The following AGPAT1 variants were observed in gnomAD, a reference collection of about 807,000 sequenced individuals.
AGPAT1 encodes the protein 1-acylglycerol-3-phosphate O-acyltransferase 1, also known as 1-acyl-sn-glycerol-3-phosphate acyltransferase alpha.
AGPAT1 carries 6 observed loss-of-function variants against 31.2 expected under a neutral mutation model. The ratio of observed to expected loss-of-function variants is 0.19; its 90% CI spans 0.11 to 0.38. The LOEUF (loss-of-function observed/expected upper bound fraction) is 0.38, where lower values mean the gene tolerates loss of function less well. Ranked by LOEUF, AGPAT1 falls within the 10% of genes least tolerant of loss-of-function variation. The pLI is 1.00. For synonymous variants in AGPAT1, 139 were observed against 154.0 expected (o/e 0.90, Z 0.72); for missense variants, 187 against 377.8 (o/e 0.49, Z 4.19).
Position 32,170,070 on chromosome 6 carries a change from G to A in AGPAT1, c.607-32C>T. 1.9e-6 allele frequency: 3 copies of A among 1,610,882 alleles called. No individual in the cohort carries two copies. The South Asian group carries it at 3.3e-5, about 18-fold the overall frequency. On this transcript the variant is annotated intron_variant, in intron 5 of 6. Coordinates refer to ENST00000375107, the MANE Select transcript of AGPAT1 (RefSeq NM_006411.4). This position sits in a 1 kb window ranked among gnomAD's most constrained non-coding sequence, Gnocchi z 7.7. ...AAGGGTTAAAGCAGGTCAGTCCACA[G>A]CTCTCTTCAGAGACTCCTACAATAA...
rs1230913507 is a variant in AGPAT1, at chr6:32,168,569, G to A, written c.*707C>T. The A allele has an allele frequency of 1.9e-5, 3 of 154,716 alleles. No homozygotes were observed. The highest frequency in any genetic ancestry group is 4.3e-5 in the Non-Finnish European group (3 of 69,792). 9.6% of individuals were successfully genotyped at this position (154,716 alleles called of 1,614,324 possible). A position where few individuals can be genotyped will look rare whatever the true frequency, so the allele number is the denominator to read the frequency against. Reference sequence around the variant, plus strand: ...GGTGCAGCAGGGCTGCAGGGGGCTGGGTGGGGTCATGTCCACTGAAGAACT... The same window carrying A: ...GGTGCAGCAGGGCTGCAGGGGGCTGAGTGGGGTCATGTCCACTGAAGAACT... On this transcript the variant is annotated 3_prime_UTR_variant, in exon 7 of 7. Coordinates refer to ENST00000375107, the MANE Select transcript of AGPAT1 (RefSeq NM_006411.4). This position sits in a 1 kb window ranked among gnomAD's most constrained non-coding sequence, Gnocchi z 4.5.
rs1489768777 is a variant in AGPAT1 at position 32,172,527 on chromosome 6, C to T, written c.-9-1022G>A. On this transcript the variant is annotated intron_variant, in intron 1 of 6. Transcript: ENST00000375107. This position sits in a 1 kb window ranked among gnomAD's most constrained non-coding sequence, Gnocchi z 4.3. The stretch of plus-strand genomic sequence containing the variant: ...TATGATAGTCTAGAAAGTACTATTA[C>T]TATTTACATTTTATAGGAAATAGGC... Among the ~76,000 whole-genome samples the T allele has an allele frequency of 1.3e-5, 2 of 152,124 alleles. No individual in the cohort carries two copies. Among genetic ancestry groups the T allele is most frequent in the Non-Finnish European group, 2.9e-5 (2 of 68,026 alleles).
In AGPAT1 at chr6:32,176,069, G is replaced by A. The variant is rs1239042498; in HGVS notation, c.-265C>T. 5.1e-6 allele frequency: 5 copies of A among 985,474 alleles called. No individual in the cohort carries two copies. The African/African-American group carries it at 5.2e-5, about 10-fold the overall frequency. The allele number at this position is 985,474 out of a possible 1,614,324, so 61.0% of individuals were successfully genotyped here. ...TTTCTGCTGTCTCTCTGAGGGCTGGGGCTGCTGCCGCCGCTATTCCCCCGC... is the reference window on the plus strand; with the variant it reads ...TTTCTGCTGTCTCTCTGAGGGCTGGAGCTGCTGCCGCCGCTATTCCCCCGC... On this transcript the variant is annotated 5_prime_UTR_variant, in exon 1 of 7. Coordinates refer to ENST00000375107, the MANE Select transcript of AGPAT1 (RefSeq NM_006411.4).
chr6:32,169,057 T>C lies in AGPAT1; in HGVS notation c.*219A>G. ...GACAGTAGGAGGTGGGGGTCAAGAG[T>C]GGAGACTGCACCGAGGCAAGAGTCC... is the stretch of plus-strand genomic sequence containing the variant. On this transcript the variant is annotated 3_prime_UTR_variant, in exon 7 of 7. Coordinates refer to ENST00000375107, the MANE Select transcript of AGPAT1 (RefSeq NM_006411.4). This position sits in a 1 kb window ranked among gnomAD's most constrained non-coding sequence, Gnocchi z 5.9. The C allele has an allele frequency of 1.7e-6, 1 of 577,100 alleles. No individual in the cohort carries two copies. The highest frequency in any genetic ancestry group is 2.3e-5 in the South Asian group (1 of 43,554). 35.7% of individuals were successfully genotyped at this position (577,100 alleles called of 1,614,324 possible). A position where few individuals can be genotyped will look rare whatever the true frequency, so the allele number is the denominator to read the frequency against.
Position 32,169,937 on chromosome 6 carries a change from C to T in AGPAT1, c.679+29G>A. On this transcript the variant is annotated intron_variant, in intron 6 of 6. Transcript: ENST00000375107. The surrounding 1 kb of genome is among the most constrained non-coding windows in gnomAD (Gnocchi z 5.9). ...GTCCTCCCAGCCTCTCCGGACACAC[C>T]CTACCCCAGAACTGCTCAAAGCCCT... is the stretch of plus-strand genomic sequence containing the variant. The T allele has an allele frequency of 1.9e-6, 3 of 1,598,558 alleles. No individual in the cohort carries two copies. The highest frequency in any genetic ancestry group is 1.3e-5 in the African/African-American group (1 of 74,636).
rs981434007 is a variant in AGPAT1, at chr6:32,175,047, C to T, written c.-10+767G>A. Among the ~76,000 whole-genome samples the T allele has an allele frequency of 6.6e-6, 1 of 152,110 alleles. No homozygotes were observed. The highest frequency in any genetic ancestry group is 1.5e-5 in the Non-Finnish European group (1 of 68,020). On this transcript the variant is annotated intron_variant, in intron 1 of 6. Coordinates refer to ENST00000375107, the MANE Select transcript of AGPAT1 (RefSeq NM_006411.4). This position sits in a 1 kb window ranked among gnomAD's most constrained non-coding sequence, Gnocchi z 4.5. ...ATGGTAGGACCATGGACATGTCAGC[C>T]AAAGCAAAATAAGGTATATAACCTT...
chr6:32,176,417 C>T, upstream of AGPAT1: 1 of 868,282 alleles, frequency 1.2e-6, no homozygotes, highest in Non-Finnish European at 1.4e-6. Flanking sequence ...TTTCTCAACT[C>T]CGGTTATCTG....
Position 32,175,972 on chromosome 6 carries a change from G to T in AGPAT1, c.-168C>A, listed in dbSNP as rs1785505181. The T allele has an allele frequency of 1.0e-6, 1 of 985,510 alleles. No individual in the cohort carries two copies. Among genetic ancestry groups the T allele is most frequent in the Non-Finnish European group, 1.2e-6 (1 of 830,142 alleles). 61.0% of individuals were successfully genotyped at this position (985,510 alleles called of 1,614,324 possible). On this transcript the variant is annotated 5_prime_UTR_variant, in exon 1 of 7. Transcript: ENST00000375107. The surrounding 1 kb of genome is among the most constrained non-coding windows in gnomAD (Gnocchi z 4.5). Reference sequence around the variant, plus strand: ...TAGCCCCGGCCGATGGAGGGGAGGTGGGAGTGGGAGGTTGGGCCCATAGCG... The same window carrying T: ...TAGCCCCGGCCGATGGAGGGGAGGTTGGAGTGGGAGGTTGGGCCCATAGCG...
rs1302668402 is a variant in AGPAT1, at chr6:32,170,797, G to C, written c.334+140C>G. On this transcript the variant is annotated intron_variant, in intron 3 of 6. Coordinates refer to ENST00000375107, the MANE Select transcript of AGPAT1 (RefSeq NM_006411.4). This position sits in a 1 kb window ranked among gnomAD's most constrained non-coding sequence, Gnocchi z 7.7. Reference sequence around the variant, plus strand: ...GCTTATGAGGGCAGTTCTACCCAGGGAATGAAGGCCTGAGTGGGAGGCAAG... The same window carrying C: ...GCTTATGAGGGCAGTTCTACCCAGGCAATGAAGGCCTGAGTGGGAGGCAAG... 1 of 1,294,448 alleles carries C rather than the reference G, an allele frequency of 7.7e-7. No individual in the cohort carries two copies. Among genetic ancestry groups the C allele is most frequent in the East Asian group, 2.3e-5 (1 of 43,054 alleles). The allele number at this position is 1,294,448 out of a possible 1,614,324, so 80.2% of individuals were successfully genotyped here.
rs1277341910 is a variant in AGPAT1, at chr6:32,175,541, G to C, written c.-10+273C>G. Among the ~76,000 whole-genome samples, 1 of 152,104 alleles carries C rather than the reference G, an allele frequency of 6.6e-6. No individual in the cohort carries two copies. The highest frequency in any genetic ancestry group is 2.4e-5 in the African/African-American group (1 of 41,416). On this transcript the variant is annotated intron_variant, in intron 1 of 6. Coordinates refer to ENST00000375107, the MANE Select transcript of AGPAT1 (RefSeq NM_006411.4). This position sits in a 1 kb window ranked among gnomAD's most constrained non-coding sequence, Gnocchi z 4.5. ...AAGAAAAGGAATTGGGGAAGGTGTAGGGAATTCCCTCTCCAGGATTCCCTG... is the reference window on the plus strand; with the variant it reads ...AAGAAAAGGAATTGGGGAAGGTGTACGGAATTCCCTCTCCAGGATTCCCTG...
Position 32,170,946 on chromosome 6 carries a change from CGA to C in AGPAT1, c.323_324del (p.Leu108ArgfsTer53), listed in dbSNP as rs765826348. The C allele has an allele frequency of 6.2e-7, 1 of 1,611,308 alleles. No individual in the cohort carries two copies. Among genetic ancestry groups the C allele is most frequent in the Admixed American group, 1.7e-5 (1 of 59,900 alleles). On this transcript the variant is annotated frameshift_variant, in exon 3 of 7. Transcript: ENST00000375107. LOFTEE classifies it high-confidence loss of function. The surrounding 1 kb of genome is among the most constrained non-coding windows in gnomAD (Gnocchi z 7.7). ...TGTGGTGGGGTCTCACCAAGCAGATCGAGAGAGCTCTGGTGGTTGGAGACAAC... is the reference window on the plus strand; with the variant it reads ...TGTGGTGGGGTCTCACCAAGCAGATCGAGAGCTCTGGTGGTTGGAGACAAC... Reference protein sequence around the residue: ...YVVVSNHQSSLDLLGMMEVLP... With the variant: ...YVVVSNHQSSXDLLGMMEVLP...
chr6:32,169,909 G>A lies in AGPAT1; in HGVS notation c.679+57C>T, dbSNP rs1784912395. 2 of 1,470,162 alleles carry A rather than the reference G, an allele frequency of 1.4e-6. No individual in the cohort carries two copies. The highest frequency in any genetic ancestry group is 1.9e-6 in the Non-Finnish European group (2 of 1,053,956). 91.1% of individuals were successfully genotyped at this position (1,470,162 alleles called of 1,614,324 possible). A position where few individuals can be genotyped will look rare whatever the true frequency, so the allele number is the denominator to read the frequency against. ...CTGAATGATCCCCCTGCCTCACAGG[G>A]ATGTCCTCCCAGCCTCTCCGGACAC... is the stretch of plus-strand genomic sequence containing the variant. On this transcript the variant is annotated intron_variant, in intron 6 of 6. Transcript: ENST00000375107. The surrounding 1 kb of genome is among the most constrained non-coding windows in gnomAD (Gnocchi z 5.9).
Position 32,175,820 on chromosome 6 carries a change from G to A in AGPAT1, c.-16C>T, listed in dbSNP as rs768728263. The A allele has an allele frequency of 2.7e-5, 27 of 985,614 alleles. No homozygotes were observed. Among genetic ancestry groups the A allele is most frequent in the South Asian group, 4.7e-5 (1 of 21,328 alleles). 61.1% of individuals were successfully genotyped at this position (985,614 alleles called of 1,614,324 possible). On this transcript the variant is annotated 5_prime_UTR_variant, in exon 1 of 7. Coordinates refer to ENST00000375107, the MANE Select transcript of AGPAT1 (RefSeq NM_006411.4). The surrounding 1 kb of genome is among the most constrained non-coding windows in gnomAD (Gnocchi z 4.5). ...ATCCCTTTCCCGCCCACACCTCAGA[G>A]GGGTAGGGGGCCTGGGGGGCTGGCC...
Position 32,171,974 on chromosome 6 carries a change from A to C in AGPAT1, c.-9-469T>G. ...TTTCAAAGACTGAATAAAAAACAAAATGTGAGATATCCATTACTAATCTTT... is the reference window on the plus strand; with the variant it reads ...TTTCAAAGACTGAATAAAAAACAAACTGTGAGATATCCATTACTAATCTTT... On this transcript the variant is annotated intron_variant, in intron 1 of 6. Transcript: ENST00000375107. The surrounding 1 kb of genome is among the most constrained non-coding windows in gnomAD (Gnocchi z 6.9). 1.6e-5 allele frequency: 3 copies of C among 181,910 alleles called. No homozygotes were observed. Among genetic ancestry groups the C allele is most frequent in the Non-Finnish European group, 3.5e-5 (3 of 85,182 alleles). 11.3% of individuals were successfully genotyped at this position (181,910 alleles called of 1,614,324 possible).
chr6:32,174,397 T>C lies in AGPAT1; in HGVS notation c.-10+1417A>G, dbSNP rs1785356217. On this transcript the variant is annotated intron_variant, in intron 1 of 6. Coordinates refer to ENST00000375107, the MANE Select transcript of AGPAT1 (RefSeq NM_006411.4). This position sits in a 1 kb window ranked among gnomAD's most constrained non-coding sequence, Gnocchi z 4.5. ...ACTCTGAATAGATACATGCAATACA[T>C]AGCCATAATGAAGGCAGAGTAACAA... Among the ~76,000 whole-genome samples, 1 of 152,144 alleles carries C rather than the reference T, an allele frequency of 6.6e-6. No homozygotes were observed. Among genetic ancestry groups the C allele is most frequent in the Non-Finnish European group, 1.5e-5 (1 of 68,026 alleles).
At position 32,176,028 on chromosome 6, in the gene AGPAT1, A is replaced by T; in HGVS notation, c.-224T>A. On this transcript the variant is annotated 5_prime_UTR_variant, in exon 1 of 7. Transcript: ENST00000375107. ...AATGGTGGGGGGCTGTCCCCCCAGC[A>T]CCCTCCCTCCCTCCCTTTCTGCTGT... 1 of 847,340 alleles carries T rather than the reference A, an allele frequency of 1.2e-6. No homozygotes were observed. Among genetic ancestry groups the T allele is most frequent in the Non-Finnish European group, 1.4e-6 (1 of 705,814 alleles). The allele number at this position is 847,340 out of a possible 1,614,324, so 52.5% of individuals were successfully genotyped here.
At position 32,173,612 on chromosome 6, in the gene AGPAT1, T is replaced by A. The variant is rs568224109; in HGVS notation, c.-9-2107A>T. Among the ~76,000 whole-genome samples, 20 of 152,342 alleles carry A rather than the reference T, an allele frequency of 1.3e-4. No individual in the cohort carries two copies. In the South Asian group the frequency reaches 3.3e-3, roughly 25 times the overall value. ...CTTCGACCACATCCTCACAAAACTC[T>A]TTGTTCCAGTCAAACTGATTCACTT... On this transcript the variant is annotated intron_variant, in intron 1 of 6. Coordinates refer to ENST00000375107, the MANE Select transcript of AGPAT1 (RefSeq NM_006411.4). This position sits in a 1 kb window ranked among gnomAD's most constrained non-coding sequence, Gnocchi z 4.7.
rs1403253058 is a variant in AGPAT1 at position 32,172,657 on chromosome 6, C to T, written c.-9-1152G>A. 6.6e-6 allele frequency among the ~76,000 whole-genome samples: 1 copy of T among 152,150 alleles called. No individual in the cohort carries two copies. Among genetic ancestry groups the T allele is most frequent in the Non-Finnish European group, 1.5e-5 (1 of 68,038 alleles). ...TCCTAACCACTCCATTACGCTGACACTGGTATGTATTGCATATATATATAC... is the reference window on the plus strand; with the variant it reads ...TCCTAACCACTCCATTACGCTGACATTGGTATGTATTGCATATATATATAC... On this transcript the variant is annotated intron_variant, in intron 1 of 6. Transcript: ENST00000375107. This position sits in a 1 kb window ranked among gnomAD's most constrained non-coding sequence, Gnocchi z 4.3.
chr6:32,175,052 C>T lies in AGPAT1; in HGVS notation c.-10+762G>A, dbSNP rs1443155798. Among the ~76,000 whole-genome samples the T allele has an allele frequency of 6.6e-6, 1 of 152,134 alleles. No individual in the cohort carries two copies. Among genetic ancestry groups the T allele is most frequent in the East Asian group, 1.9e-4 (1 of 5,194 alleles). ...AGGACCATGGACATGTCAGCCAAAG[C>T]AAAATAAGGTATATAACCTTCACAT... On this transcript the variant is annotated intron_variant, in intron 1 of 6. Transcript: ENST00000375107. The surrounding 1 kb of genome is among the most constrained non-coding windows in gnomAD (Gnocchi z 4.5).
Sources: gnomAD v4.1 joint callset for allele counts (sites outside exome capture counted in the v4.1 genomes callset) on GRCh38, gnomAD v4.1.1 for gene constraint, Gnocchi (gnomAD v3.1) non-coding constraint, MANE v1.5 for transcripts, NCBI Gene and HGNC (gene_info 2026-07-23, HGNC 2026-07-21) for gene names.